The following GRID2 variants were observed in gnomAD, a reference collection of about 807,000 sequenced individuals.
GRID2 encodes the protein glutamate ionotropic receptor delta type subunit 2.
A neutral mutation model predicts 114.8 loss-of-function variants in GRID2; 33 were observed. The observed-to-expected ratio is 0.29, with a 90% CI of 0.22 to 0.38. The LOEUF (loss-of-function observed/expected upper bound fraction) is 0.38. Among genes scored for constraint, GRID2 ranks in the 10% least tolerant of loss-of-function variants. The probability of loss-of-function intolerance (pLI) is 1.00; values close to 1 mark genes in which losing one functional copy is unlikely to be tolerated. For missense variants in GRID2, 1,184 were observed against 1,257.7 expected, an observed-to-expected ratio of 0.94 and a Z score of 0.89; for synonymous variants, 505 against 449.9, an observed-to-expected ratio of 1.12 and a Z score of -1.55.
rs1722003083 is a variant in GRID2, at chr4:93,010,320, TACAC to T, written c.245-74673_245-74670del. On this transcript the variant is annotated intron_variant, in intron 2 of 15. Transcript: ENST00000282020. ...TTTTTGAGAGAGATGTGTGTATACA[TACAC>T]ATATATATGCATATGTGTATGTGTA... Among the ~76,000 whole-genome samples the T allele has an allele frequency of 4.6e-5, 7 of 152,202 alleles. No individual in the cohort carries two copies. The South Asian group carries it at 1.5e-3, about 32-fold the overall frequency.
intron 2 of GRID2, among the ~76,000 whole-genome samples, chr4:92,682,055 C>T (rs1242367688): frequency 6.7e-6 from 1 of 148,828 alleles, no homozygotes; most frequent in Non-Finnish European, 1.5e-5. Context: ...TCTTTGAGGC[C>T]ATTGGAGGTA....
intron 14 of GRID2, among the ~76,000 whole-genome samples, chr4:93,753,562 C>A (rs1303967304): frequency 1.3e-5 from 2 of 152,062 alleles, no homozygotes; most frequent in African/African-American, 4.8e-5. Context: ...TTTCATTGTT[C>A]AGTTCCCACC....
At chr4:92,988,286 G>C (rs761900576) in intron 2 of GRID2, among the ~76,000 whole-genome samples, 1 of 152,114 alleles carries the variant, frequency 6.6e-6, no homozygotes, top group Non-Finnish European at 1.5e-5. Flanking sequence ...GGTAGGCAGG[G>C]TTTTGCTCTT....
intron 5 of GRID2, among the ~76,000 whole-genome samples, chr4:93,215,018 A>G (rs1744025319): frequency 6.6e-6 from 1 of 152,052 alleles, no homozygotes; most frequent in Non-Finnish European, 1.5e-5. Context: ...TTTGTTTATA[A>G]ACTGAGAATA....
chr4:93,278,822 GA>G (rs141596752), intron 8 of GRID2, among the ~76,000 whole-genome samples: 4,724 of 151,868 alleles, frequency 0.031, 260 homozygotes, highest in African/African-American at 0.11. Context: ...TTTGTGAACA[GA>G]AAAAAACTGT....
At chr4:92,914,368 CAT>C (rs1052961668) in intron 2 of GRID2, among the ~76,000 whole-genome samples, 11 of 152,126 alleles carry the variant, frequency 7.2e-5, no homozygotes, top group African/African-American at 2.6e-4. Context: ...TTAAAAGAAA[CAT>C]ATATCTATGT....
At chr4:92,958,312 T>G (rs548031295) in intron 2 of GRID2, among the ~76,000 whole-genome samples, 1 of 152,176 alleles carries the variant, frequency 6.6e-6, no homozygotes, top group East Asian at 1.9e-4. Context: ...TTTGAGCAAG[T>G]TCTATTCTTA....
chr4:92,955,769 A>G (rs1399881695), intron 2 of GRID2, among the ~76,000 whole-genome samples: 7 of 152,120 alleles, frequency 4.6e-5, no homozygotes, highest in Non-Finnish European at 1.0e-4. Context: ...TTAAGTCTTT[A>G]ATCCATTTTG....
chr4:93,794,722 C>T (rs1448577597), intron 1 of GRID2, among the ~76,000 whole-genome samples: 1 of 152,162 alleles, frequency 6.6e-6, no homozygotes, highest in East Asian at 1.9e-4. Flanking sequence ...AATTAAGGAA[C>T]ATTATTCCCC....
intron 14 of GRID2, among the ~76,000 whole-genome samples, chr4:93,735,315 A>C (rs1235976321): frequency 6.6e-6 from 1 of 152,056 alleles, no homozygotes; most frequent in African/African-American, 2.4e-5. Context: ...TTATTCAAAA[A>C]GGACTTTTTC....
intron 2 of GRID2, among the ~76,000 whole-genome samples, chr4:92,620,789 T>C (rs1730232074): frequency 6.6e-6 from 1 of 150,476 alleles, no homozygotes; most frequent in Admixed American, 6.7e-5. Context: ...CCGGGGACTG[T>C]TGTGGGGTGG....
chr4:93,178,165 CA>C (rs1739528563), intron 4 of GRID2, among the ~76,000 whole-genome samples: 1 of 151,282 alleles, frequency 6.6e-6, no homozygotes, highest in South Asian at 2.1e-4. Flanking sequence ...CCTTACTAAT[CA>C]TCCTTAAAGT....
chr4:92,901,162 A>G (rs537861151), intron 2 of GRID2, among the ~76,000 whole-genome samples: 13 of 152,280 alleles, frequency 8.5e-5, no homozygotes, highest in Admixed American at 4.6e-4. Flanking sequence ...ACTGTTTTCC[A>G]TAGATGTTGT....
At chr4:93,612,208 T>C (rs1408556282) in intron 13 of GRID2, among the ~76,000 whole-genome samples, 1 of 150,138 alleles carries the variant, frequency 6.7e-6, no homozygotes, top group African/African-American at 2.4e-5. Flanking sequence ...TGTGTGTCTC[T>C]GCACGTGAGA....
intron 1 of GRID2, among the ~76,000 whole-genome samples, chr4:92,448,814 A>G (rs1720730592): frequency 6.6e-6 from 1 of 152,136 alleles, no homozygotes; most frequent in Non-Finnish European, 1.5e-5. Flanking sequence ...AAAACATTTT[A>G]ATTAACAGGA....
At chr4:93,724,908 T>C (rs1336894364) in intron 14 of GRID2, among the ~76,000 whole-genome samples, 9 of 152,142 alleles carry the variant, frequency 5.9e-5, no homozygotes, top group African/African-American at 2.2e-4. Context: ...GCCTCCCGAG[T>C]AGCTGGGATT....
At chr4:92,418,731 C>T (rs538296836) in intron 1 of GRID2, among the ~76,000 whole-genome samples, 1 of 152,058 alleles carries the variant, frequency 6.6e-6, no homozygotes, top group South Asian at 2.1e-4. Flanking sequence ...TCCTTCCACA[C>T]CCCCCTAAAA....
intron 2 of GRID2, among the ~76,000 whole-genome samples, chr4:92,602,806 C>A (rs1729280683): frequency 6.6e-6 from 1 of 152,260 alleles, no homozygotes; most frequent in East Asian, 1.9e-4. Context: ...TAGAAAACCC[C>A]ATCGTCTTAG....
chr4:93,657,242 G>A (rs2870727), intron 14 of GRID2, among the ~76,000 whole-genome samples: 18,585 of 151,872 alleles, frequency 0.12, 1,193 homozygotes, highest in Middle Eastern at 0.14. Context: ...TTAAGTATTT[G>A]TATATTGGTA....
Sources: gnomAD v4.1 joint callset for allele counts (sites outside exome capture counted in the v4.1 genomes callset) on GRCh38, gnomAD v4.1.1 for gene constraint, MANE v1.5 for transcripts, NCBI Gene and HGNC (gene_info 2026-07-23, HGNC 2026-07-21) for gene names.